The following FBXW12 variants were observed in gnomAD, a reference collection of about 807,000 sequenced individuals.
FBXW12 encodes the protein F-box and WD repeat domain containing 12.
FBXW12 carries 43 observed loss-of-function variants against 55.3 expected under a neutral mutation model. The observed-to-expected ratio is 0.78, with a 90% CI of 0.61 to 1.00. The LOEUF (loss-of-function observed/expected upper bound fraction) is 1.00. Among genes scored for constraint, FBXW12 ranks in the 50% least tolerant of loss-of-function variants. The pLI is 0.00. For missense variants in FBXW12, 524 were observed against 560.5 expected (o/e 0.93, Z 0.66); for synonymous variants, 184 against 203.8 (o/e 0.90, Z 0.83).
At chr3:48,378,263 C>A in intron 5 of FBXW12, 54 bp from the exon 6 acceptor site, 1 of 1,348,224 alleles carries the variant, frequency 7.4e-7, no homozygotes, top group Non-Finnish European at 1.1e-6. Flanking sequence ...AGAATGAAAG[C>A]ACAGTAGGTG....
chr3:48,381,319 G>T (rs1484546073), intron 8 of FBXW12, among the ~76,000 whole-genome samples: 1 of 151,922 alleles, frequency 6.6e-6, no homozygotes, highest in Admixed American at 6.6e-5. Context: ...ATCGCACCCG[G>T]CCAGGAGCAG....
intron 10 of FBXW12, among the ~76,000 whole-genome samples, chr3:48,393,656 G>A (rs969080203): frequency 6.6e-6 from 1 of 152,172 alleles, no homozygotes; most frequent in Non-Finnish European, 1.5e-5. Context: ...GGGCACAATG[G>A]CTCACGCCTG....
chr3:48,382,396 G>T (rs192968718), intron 10 of FBXW12, among the ~76,000 whole-genome samples: 1 of 152,046 alleles, frequency 6.6e-6, no homozygotes, highest in Admixed American at 6.5e-5. Flanking sequence ...TTACAGGCGT[G>T]AGCCACCGCA....
intron 10 of FBXW12, among the ~76,000 whole-genome samples, chr3:48,391,912 C>T (rs749945182): frequency 7.9e-5 from 12 of 152,104 alleles, no homozygotes; most frequent in East Asian, 1.9e-4. Context: ...AGGATTTTTG[C>T]GTCTATGTTC....
chr3:48,382,043 G>A lies in FBXW12; in HGVS notation c.1253G>A (p.Cys418Tyr). 1.2e-6 allele frequency: 2 copies of A among 1,614,156 alleles called. No homozygotes were observed. Among genetic ancestry groups the A allele is most frequent in the Admixed American group, 3.3e-5 (2 of 60,024 alleles). The change falls in exon 10 of 11, where the codon TGC (cysteine) becomes TAC (tyrosine). Residue 418 changes from cysteine to tyrosine, a missense_variant. Physicochemically the swap from Cys to Tyr is radical, Grantham distance 194. Coordinates refer to ENST00000296438, the MANE Select transcript of FBXW12 (RefSeq NM_207102.2). ...GGCCGCCATCCATACCTCAGGAGCT[G>A]CTGTCACCTGGAAAACACGTGGCAT... ...EGGRHPYLRS[C>Y]CHLENTWHDH...
intron 1 of FBXW12, 37 bp from the exon 2 acceptor site, chr3:48,372,647 C>A: frequency 6.3e-7 from 1 of 1,585,468 alleles, no homozygotes; most frequent in South Asian, 1.2e-5. Flanking sequence ...CTTGTTTCTA[C>A]CGCACACAGA....
rs147668968 is a variant in FBXW12 at position 48,375,364 on chromosome 3, G to A, written c.297G>A (p.Thr99=). 80 of 1,602,570 alleles carry A rather than the reference G, an allele frequency of 5.0e-5. No individual in the cohort carries two copies. The highest frequency in any genetic ancestry group is 1.7e-4 in the Middle Eastern group (1 of 6,060). The part of the protein sequence containing the change: ...YKVTKNIAFE[T]ELAYLSGNRL... ...TATGTTTCCTTCTAGCATTTGAGAC[G>A]GAGTTGGCTTATCTCTCAGGAAATA... Residue 99 remains threonine, a synonymous_variant, in exon 5 of 11, where the codon ACG becomes ACA. Transcript: ENST00000296438.
intron 10 of FBXW12, among the ~76,000 whole-genome samples, chr3:48,385,944 T>C (rs1038450989): frequency 1.3e-5 from 2 of 152,220 alleles, no homozygotes; most frequent in Non-Finnish European, 2.9e-5. Context: ...TTTGCAAATA[T>C]TTTCTCCCAT....
chr3:48,390,660 T>C (rs1389768599), intron 10 of FBXW12, among the ~76,000 whole-genome samples: 1 of 151,946 alleles, frequency 6.6e-6, no homozygotes, highest in African/African-American at 2.4e-5. Flanking sequence ...GTGATCCGCC[T>C]GCCTCAGCCT....
chr3:48,375,803 T>C (rs1037266632), intron 5 of FBXW12, among the ~76,000 whole-genome samples: 65 of 151,798 alleles, frequency 4.3e-4, no homozygotes, highest in Non-Finnish European at 1.3e-4. Context: ...GCTTCCCAAG[T>C]AGCTGGGACT....
At chr3:48,385,269 C>T (rs951530726) in intron 10 of FBXW12, among the ~76,000 whole-genome samples, 2 of 152,038 alleles carry the variant, frequency 1.3e-5, no homozygotes, top group Admixed American at 1.3e-4. Flanking sequence ...AACATAATGA[C>T]CTCCAGATTC....
In FBXW12 at chr3:48,379,495, A is replaced by G. The variant is rs2036734316; in HGVS notation, c.711A>G (p.Leu237=). 1 of 1,613,988 alleles carries G rather than the reference A, an allele frequency of 6.2e-7. No individual in the cohort carries two copies. The highest frequency in any genetic ancestry group is 8.5e-7 in the Non-Finnish European group (1 of 1,179,944). The part of the protein sequence containing the change: ...VTAFQYGIVL[L]HCSPDKKWVF... The stretch of plus-strand genomic sequence containing the variant: ...CATTTCAATATGGTATTGTACTTCT[A>G]CACTGCTCTCCTGACAAGAAATGGG... Residue 237 remains leucine (L), a synonymous_variant, in exon 7 of 11, where the codon CTA becomes CTG. Coordinates refer to ENST00000296438, the MANE Select transcript of FBXW12 (RefSeq NM_207102.2).
Position 48,380,131 on chromosome 3 carries a change from C to T in FBXW12, c.775-571C>T, listed in dbSNP as rs2107160529. On this transcript the variant is annotated intron_variant, in intron 7 of 10. Transcript: ENST00000296438. ...TGGGCAACATGGCGAGACCCTACCTCTTAAAAAAAAAAAAAAATTTTTTTT... is the reference window on the plus strand; with the variant it reads ...TGGGCAACATGGCGAGACCCTACCTTTTAAAAAAAAAAAAAAATTTTTTTT... 3 of 121,824 alleles carry T rather than the reference C, an allele frequency of 2.5e-5. No homozygotes were observed. In the Admixed American group the frequency reaches 2.5e-4, roughly 10 times the overall value. The allele number at this position is 121,824 out of a possible 1,614,324, so 7.5% of individuals were successfully genotyped here.
intron 5 of FBXW12, 68 bp downstream of exon 5, chr3:48,375,540 G>C: frequency 3.4e-6 from 3 of 886,690 alleles, no homozygotes; most frequent in Non-Finnish European, 5.2e-6. Flanking sequence ...ATATGAAACG[G>C]AAGTGCTGAG....
intron 10 of FBXW12, among the ~76,000 whole-genome samples, chr3:48,388,040 G>A (rs978156877): frequency 6.6e-6 from 1 of 152,084 alleles, no homozygotes; most frequent in Non-Finnish European, 1.5e-5. Context: ...TTGAGCCATG[G>A]ACTATTCTAA....
rs756882228 is a variant in FBXW12 at position 48,382,021 on chromosome 3, C to G, written c.1231C>G (p.Arg411Gly). 3 of 1,614,134 alleles carry G rather than the reference C, an allele frequency of 1.9e-6. No individual in the cohort carries two copies. Among genetic ancestry groups the G allele is most frequent in the African/African-American group, 2.7e-5 (2 of 75,022 alleles). Residue 411 changes from arginine to glycine, a missense_variant, in exon 10 of 11, where the codon CGC becomes GGC. Arg to Gly is a moderately radical substitution (Grantham distance 125). Transcript: ENST00000296438. The stretch of plus-strand genomic sequence containing the variant: ...CGTGTACATGTGGGAAGAAGGAGGC[C>G]GCCATCCATACCTCAGGAGCTGCTG... ...VHVYMWEEGG[R>G]HPYLRSCCHL...
intron 5 of FBXW12, among the ~76,000 whole-genome samples, chr3:48,376,532 T>G (rs2036689090): frequency 6.6e-6 from 1 of 152,186 alleles, no homozygotes; most frequent in Non-Finnish European, 1.5e-5. Flanking sequence ...TGTCTAATGG[T>G]ATAAACTGCA....
intron 10 of FBXW12, among the ~76,000 whole-genome samples, chr3:48,390,572 A>ACCTGG (rs1213546040): frequency 1.3e-5 from 2 of 151,142 alleles, no homozygotes; most frequent in Non-Finnish European, 3.0e-5. Flanking sequence ...GTGCCACCAC[A>ACCTGG]CCTGGCCAAT....
At chr3:48,391,027 T>A (rs1575364581) in intron 10 of FBXW12, among the ~76,000 whole-genome samples, 1 of 144,792 alleles carries the variant, frequency 6.9e-6, no homozygotes, top group Non-Finnish European at 1.5e-5. Context: ...CCCAGCACTT[T>A]GGGAGGCTGA....
Sources: gnomAD v4.1 joint callset for allele counts (sites outside exome capture counted in the v4.1 genomes callset) on GRCh38, gnomAD v4.1.1 for gene constraint, MANE v1.5 for transcripts, NCBI Gene and HGNC (gene_info 2026-07-23, HGNC 2026-07-21) for gene names.